CBLN2: variants seen among roughly 807,000 people sequenced by gnomAD.
The protein encoded by CBLN2 is cerebellin 2 precursor.
CBLN2 carries 7 observed loss-of-function variants against 15.0 expected under a neutral mutation model. The ratio of observed to expected loss-of-function variants is 0.47; its 90% CI spans 0.27 to 0.88. The LOEUF (loss-of-function observed/expected upper bound fraction) is 0.88. CBLN2 is among the 40% of genes least tolerant of loss of function. The probability of loss-of-function intolerance (pLI) is 0.14; values close to 1 mark genes in which losing one functional copy is unlikely to be tolerated. For missense variants in CBLN2, 242 were observed against 304.5 expected (o/e 0.79, Z 1.53); for synonymous variants, 149 against 135.2 (o/e 1.10, Z -0.71).
chr18:72,577,826 A>G (rs2069377973), intron 1 of CBLN2, among the ~76,000 whole-genome samples: 1 of 152,232 alleles, frequency 6.6e-6, no homozygotes, highest in South Asian at 2.1e-4. Flanking sequence ...GAGCATTTGT[A>G]GCATAATAGT....
intron 1 of CBLN2, among the ~76,000 whole-genome samples, chr18:72,622,350 T>G (rs760873349): frequency 6.6e-6 from 1 of 151,996 alleles, no homozygotes; most frequent in Non-Finnish European, 1.5e-5. Context: ...TTTAATCAGA[T>G]GCAACTAGAT....
At chr18:72,605,450 A>T (rs1204724148) in intron 1 of CBLN2, among the ~76,000 whole-genome samples, 1 of 152,234 alleles carries the variant, frequency 6.6e-6, no homozygotes, top group Non-Finnish European at 1.5e-5. Flanking sequence ...CTTATAATAG[A>T]TGCAAGGGGA....
At chr18:72,565,679 C>T (rs548335731) in intron 1 of CBLN2, among the ~76,000 whole-genome samples, 1 of 152,228 alleles carries the variant, frequency 6.6e-6, no homozygotes, top group East Asian at 1.9e-4. Context: ...CTTACTGCTA[C>T]AGTAAATCAC....
Position 72,542,296 on chromosome 18 carries a change from G to A in CBLN2, c.-136C>T, listed in dbSNP as rs2069121853. On this transcript the variant is annotated 5_prime_UTR_variant, in exon 3 of 5. Coordinates refer to ENST00000269503, the MANE Select transcript of CBLN2 (RefSeq NM_182511.4). ...CCCCGGCTCTGACGTTCAAGGCCAG[G>A]GTCGTTCTCAGAAGAAAGGCGCCTG... 4.4e-6 allele frequency: 2 copies of A among 457,570 alleles called. No individual in the cohort carries two copies. Among genetic ancestry groups the A allele is most frequent in the African/African-American group, 2.1e-5 (1 of 47,532 alleles). 28.3% of individuals were successfully genotyped at this position (457,570 alleles called of 1,614,324 possible).
chr18:72,577,720 C>A (rs639625), intron 1 of CBLN2, among the ~76,000 whole-genome samples: 136,475 of 152,258 alleles, frequency 0.9, 61,412 homozygotes, highest in Middle Eastern at 0.97. Flanking sequence ...GCTTTGGTGC[C>A]ATAACACAGA....
At chr18:72,588,556 A>G (rs2069458030) in intron 1 of CBLN2, among the ~76,000 whole-genome samples, 1 of 152,160 alleles carries the variant, frequency 6.6e-6, no homozygotes, top group Non-Finnish European at 1.5e-5. Context: ...AAGAGACATC[A>G]TTTCTGAGCT....
At chr18:72,562,092 G>A (rs1418360733) in intron 1 of CBLN2, among the ~76,000 whole-genome samples, 1 of 152,198 alleles carries the variant, frequency 6.6e-6, no homozygotes, top group Non-Finnish European at 1.5e-5. Flanking sequence ...TTAGGGAGCA[G>A]TAAGCCATGC....
At chr18:72,590,251 C>T (rs1010361735) in intron 1 of CBLN2, among the ~76,000 whole-genome samples, 3 of 150,548 alleles carry the variant, frequency 2.0e-5, no homozygotes, top group African/African-American at 4.9e-5. Flanking sequence ...GGTGACAGAG[C>T]GAGACTCCGT....
intron 3 of CBLN2, chr18:72,539,504 G>A (rs1311627321): frequency 1.3e-5 from 2 of 152,228 alleles, no homozygotes; most frequent in African/African-American, 4.8e-5. Flanking sequence ...ATGGTGCCCT[G>A]TAAATGAGCT....
chr18:72,540,741 A>T (rs548474744), intron 3 of CBLN2, among the ~76,000 whole-genome samples: 1 of 152,332 alleles, frequency 6.6e-6, no homozygotes, highest in Non-Finnish European at 1.5e-5. Flanking sequence ...ACGCTGACTT[A>T]AATAGAGTCA....
chr18:72,636,562 A>G (rs2069814110), intron 1 of CBLN2, among the ~76,000 whole-genome samples: 1 of 152,162 alleles, frequency 6.6e-6, no homozygotes, highest in Non-Finnish European at 1.5e-5. Flanking sequence ...GGATATGCAC[A>G]TGGCAATGAC....
At chr18:72,586,690 G>A (rs1258046962) in intron 1 of CBLN2, among the ~76,000 whole-genome samples, 2 of 152,154 alleles carry the variant, frequency 1.3e-5, no homozygotes, top group Non-Finnish European at 2.9e-5. Context: ...TTAGTGACTG[G>A]TGTTATTAGG....
intron 1 of CBLN2, among the ~76,000 whole-genome samples, chr18:72,553,744 G>A (rs1250176891): frequency 1.3e-5 from 2 of 152,118 alleles, no homozygotes; most frequent in Non-Finnish European, 2.9e-5. Context: ...AAACCGTGGA[G>A]CAATGAAAAG....
chr18:72,569,714 G>C (rs758531792), intron 1 of CBLN2, among the ~76,000 whole-genome samples: 4 of 152,046 alleles, frequency 2.6e-5, no homozygotes, highest in Non-Finnish European at 4.4e-5. Flanking sequence ...TAAATGGCCA[G>C]ATCTCGTGTG....
chr18:72,600,237 G>A (rs576618510), intron 1 of CBLN2, among the ~76,000 whole-genome samples: 11 of 152,164 alleles, frequency 7.2e-5, no homozygotes, highest in Admixed American at 2.0e-4. Context: ...GAAGGAATCC[G>A]TATGATTATA....
chr18:72,565,328 A>G (rs1441245326), intron 1 of CBLN2, among the ~76,000 whole-genome samples: 1 of 152,138 alleles, frequency 6.6e-6, no homozygotes, highest in Non-Finnish European at 1.5e-5. Context: ...ACTGTATAAT[A>G]TATTACAATA....
chr18:72,548,263 G>A (rs1245071385), upstream of CBLN2, among the ~76,000 whole-genome samples: 1 of 152,218 alleles, frequency 6.6e-6, no homozygotes, highest in Non-Finnish European at 1.5e-5. Flanking sequence ...AGATGTGACT[G>A]TTAATCCAAG....
intron 1 of CBLN2, among the ~76,000 whole-genome samples, chr18:72,621,929 A>C (rs2069703455): frequency 6.6e-6 from 1 of 152,224 alleles, no homozygotes; most frequent in Admixed American, 6.5e-5. Context: ...CATATTCATG[A>C]GACTGTCAAC....
At chr18:72,604,669 T>A (rs2069571830) in intron 1 of CBLN2, among the ~76,000 whole-genome samples, 1 of 152,162 alleles carries the variant, frequency 6.6e-6, no homozygotes. Flanking sequence ...GATTAATGGA[T>A]TAACGAGTTA....
Sources: gnomAD v4.1 joint callset for allele counts (sites outside exome capture counted in the v4.1 genomes callset) on GRCh38, gnomAD v4.1.1 for gene constraint, MANE v1.5 for transcripts, NCBI Gene and HGNC (gene_info 2026-07-23, HGNC 2026-07-21) for gene names.